Variants in ZNF93 observed in about 807,000 individuals in gnomAD.
The protein encoded by ZNF93 is zinc finger protein 93.
In ZNF93, 29 loss-of-function variants were observed where a neutral mutation model predicts 45.0. The ratio of observed to expected loss-of-function variants is 0.64; its 90% confidence interval spans 0.48 to 0.88. The LOEUF (loss-of-function observed/expected upper bound fraction) is 0.88. ZNF93 is among the 40% of genes least tolerant of loss of function. ZNF93 has a pLI of 0.00. For missense variants in ZNF93, 578 were observed against 724.0 expected (o/e 0.80, Z 2.31); for synonymous variants, 223 against 244.6 (o/e 0.91, Z 0.82).
At position 19,916,646 on chromosome 19, in the gene ZNF93, A is replaced by G. The variant is rs2063325130; in HGVS notation, c.217A>G (p.Asn73Asp). 6.2e-7 allele frequency: 1 copy of G among 1,609,726 alleles called. No individual in the cohort carries two copies. The highest frequency in any genetic ancestry group is 1.3e-5 in the African/African-American group (1 of 74,756). ...LTMKRHEMVA[N>D]PSVICSHFAQ... ...TATGAAGAGACATGAGATGGTAGCCAACCCCTCAGGTAGGTGTGAGTGAAA... is the reference window on the plus strand; with the variant it reads ...TATGAAGAGACATGAGATGGTAGCCGACCCCTCAGGTAGGTGTGAGTGAAA... Residue 73 changes from asparagine to aspartate, a missense_variant, in exon 3 of 4, where the codon AAC (asparagine) becomes GAC (aspartate). Asn to Asp is a conservative substitution (Grantham distance 23). This residue lies in a region of ZNF93 where 446 missense variants were observed against 547.6 expected (regional missense o/e 0.81). Coordinates refer to ENST00000343769, the MANE Select transcript of ZNF93 (RefSeq NM_031218.4).
rs376091729 is a variant in ZNF93 at position 19,915,425 on chromosome 19, C to T, written c.130+19C>T. 1.2e-6 allele frequency: 2 copies of T among 1,605,036 alleles called. No homozygotes were observed. The highest frequency in any genetic ancestry group is 2.7e-5 in the African/African-American group (2 of 74,382). On this transcript the variant is annotated intron_variant, in intron 2 of 3. Transcript: ENST00000343769. ...TTCCTTGGTGAGGATAACTTTAATA[C>T]ATAATTCATAATACACCCTAAAGGT...
chr19:19,901,241 C>A, intron 1 of ZNF93, 150 bp downstream of exon 1: 2 of 1,309,966 alleles, frequency 1.5e-6, no homozygotes, highest in Non-Finnish European at 2.2e-6. Context: ...TCCCTTCAGC[C>A]ATAAGATGGC....
At chr19:19,922,537 C>T (rs568077239) in intron 3 of ZNF93, among the ~76,000 whole-genome samples, 155 of 152,264 alleles carry the variant, frequency 1.0e-3, no homozygotes, top group African/African-American at 3.5e-3. Flanking sequence ...GAGTGTTTTC[C>T]AGCTTGGTTC....
At chr19:19,913,285 G>T (rs748719273) in intron 1 of ZNF93, among the ~76,000 whole-genome samples, 7 of 152,174 alleles carry the variant, frequency 4.6e-5, no homozygotes, top group Non-Finnish European at 8.8e-5. Flanking sequence ...TATCAGCCCA[G>T]GCTTCTCATT....
intron 1 of ZNF93, among the ~76,000 whole-genome samples, chr19:19,911,760 T>G (rs1291663142): frequency 1.3e-5 from 2 of 152,100 alleles, no homozygotes; most frequent in Non-Finnish European, 2.9e-5. Context: ...AAATTCTTTT[T>G]TTTTTTTGAG....
Position 19,934,555 on chromosome 19 carries a change from G to A in ZNF93, c.1600G>A (p.Glu534Lys). ...TAAACATAAGAAAATTCATACTAGA[G>A]AGAAACCCTACAAATGTGAAGAATG... ...LIKHKKIHTR[E>K]KPYKCEECGK... Residue 534 changes from glutamate (E) to lysine (K), a missense_variant, in exon 4 of 4, where the codon GAG becomes AAG. Physicochemically the swap from Glu to Lys is moderately conservative, Grantham distance 56. Coordinates refer to ENST00000343769, the MANE Select transcript of ZNF93 (RefSeq NM_031218.4). The A allele has an allele frequency of 6.2e-7, 1 of 1,613,114 alleles. No homozygotes were observed. The highest frequency in any genetic ancestry group is 8.5e-7 in the Non-Finnish European group (1 of 1,179,916).
At chr19:19,932,315 G>A (rs1222878509) in intron 3 of ZNF93, 1 of 152,992 alleles carries the variant, frequency 6.5e-6, no homozygotes, top group Non-Finnish European at 1.5e-5. Flanking sequence ...TCACTAGAGT[G>A]TTTTTTATCT....
At chr19:19,904,236 T>G (rs1290903229) in intron 1 of ZNF93, among the ~76,000 whole-genome samples, 1 of 151,574 alleles carries the variant, frequency 6.6e-6, no homozygotes, top group East Asian at 1.9e-4. Context: ...AAACTGTTTC[T>G]GGAGCACACA....
rs774954306 is a variant in ZNF93, at chr19:19,934,277, G to A, written c.1322G>A (p.Ser441Asn). Residue 441 changes from serine to asparagine, a missense_variant, in exon 4 of 4, where the codon AGT (serine) becomes AAT (asparagine). Around this residue, in one of 3 missense-constraint regions of ZNF93, gnomAD observed 446 missense variants for 547.6 expected, o/e 0.81. Coordinates refer to ENST00000343769, the MANE Select transcript of ZNF93 (RefSeq NM_031218.4). The stretch of plus-strand genomic sequence containing the variant: ...GCCTTTGTTGCATCCTCAACCCTTA[G>A]TAAACATGAGATCATTCATACTGGA... Reference protein sequence around the residue: ...GKAFVASSTLSKHEIIHTGKK... With the variant: ...GKAFVASSTLNKHEIIHTGKK... The A allele has an allele frequency of 1.9e-6, 3 of 1,609,736 alleles. No individual in the cohort carries two copies. The highest frequency in any genetic ancestry group is 1.1e-5 in the South Asian group (1 of 90,828).
intron 1 of ZNF93, among the ~76,000 whole-genome samples, chr19:19,906,015 A>G (rs1253614980): frequency 6.6e-6 from 1 of 152,166 alleles, no homozygotes; most frequent in Admixed American, 6.5e-5. Flanking sequence ...ATAATAATTT[A>G]TATTTCTTCG....
intron 3 of ZNF93, among the ~76,000 whole-genome samples, chr19:19,923,105 G>C (rs925645662): frequency 7.9e-5 from 12 of 152,108 alleles, no homozygotes; most frequent in Admixed American, 7.9e-4. Context: ...CATACAGATG[G>C]GGTTTTGGTG....
chr19:19,912,418 C>T (rs1293739038), intron 1 of ZNF93, among the ~76,000 whole-genome samples: 1 of 152,128 alleles, frequency 6.6e-6, no homozygotes, highest in Admixed American at 6.6e-5. Flanking sequence ...GCTGCTGAAT[C>T]CTGCTGCCTT....
chr19:19,900,946 GTC>G lies in ZNF93; in HGVS notation c.-138_-137del, dbSNP rs1279976708. The G allele has an allele frequency of 1.4e-6, 2 of 1,419,630 alleles. No homozygotes were observed. The highest frequency in any genetic ancestry group is 2.0e-6 in the Non-Finnish European group (2 of 1,024,866). 87.9% of individuals were successfully genotyped at this position (1,419,630 alleles called of 1,614,324 possible). ...CGGCTTCTGGTTTGGCGGGTCCTTT[GTC>G]TCTCGGTGCAGCCGGAGCTCCAGGT... On this transcript the variant is annotated 5_prime_UTR_variant, in exon 1 of 4. Transcript: ENST00000343769.
At chr19:19,903,860 TAGG>T in intron 1 of ZNF93, among the ~76,000 whole-genome samples, 1 of 150,716 alleles carries the variant, frequency 6.6e-6, no homozygotes, top group Non-Finnish European at 1.5e-5. Flanking sequence ...CACCTGAGGT[TAGG>T]AGTTCAAGAC....
chr19:19,922,002 A>G (rs2063343687), intron 3 of ZNF93, among the ~76,000 whole-genome samples: 1 of 152,076 alleles, frequency 6.6e-6, no homozygotes, highest in African/African-American at 2.4e-5. Flanking sequence ...TTAGCTAGTT[A>G]TTTTGCTCAT....
At chr19:19,928,027 T>C (rs1481322028) in intron 3 of ZNF93, among the ~76,000 whole-genome samples, 1 of 152,212 alleles carries the variant, frequency 6.6e-6, no homozygotes, top group East Asian at 1.9e-4. Context: ...GATTACAGGC[T>C]TGAGACACTG....
intron 3 of ZNF93, among the ~76,000 whole-genome samples, chr19:19,925,012 A>G (rs990993989): frequency 2.0e-5 from 3 of 152,242 alleles, no homozygotes; most frequent in Admixed American, 2.0e-4. Context: ...GCCTGCCTAC[A>G]TGGCTGTACA....
Position 19,935,140 on chromosome 19 carries a change from A to C in ZNF93, c.*322A>C, listed in dbSNP as rs1388679894. 1.0e-5 allele frequency: 3 copies of C among 286,712 alleles called. No individual in the cohort carries two copies. The highest frequency in any genetic ancestry group is 2.2e-5 in the African/African-American group (1 of 45,720). 17.8% of individuals were successfully genotyped at this position (286,712 alleles called of 1,614,324 possible). A position where few individuals can be genotyped will look rare whatever the true frequency, so the allele number is the denominator to read the frequency against. On this transcript the variant is annotated 3_prime_UTR_variant, in exon 4 of 4. Transcript: ENST00000343769. ...CTCTCTGGTACTCACTGAAAGCCAC[A>C]CTCATCCACATCCTGATACAAGGCC...
intron 3 of ZNF93, among the ~76,000 whole-genome samples, chr19:19,929,144 C>T (rs2063364895): frequency 6.6e-6 from 1 of 152,130 alleles, no homozygotes; most frequent in Non-Finnish European, 1.5e-5. Flanking sequence ...AACGTGGCTT[C>T]TTCACCTCAT....
Sources: gnomAD v4.1 joint callset for allele counts (sites outside exome capture counted in the v4.1 genomes callset) on GRCh38, gnomAD v4.1.1 for gene constraint, gnomAD v4.1.1 regional missense constraint, MANE v1.5 for transcripts, NCBI Gene and HGNC (gene_info 2026-07-23, HGNC 2026-07-21) for gene names.